TXNL4A: variants seen among roughly 807,000 people sequenced by gnomAD.
TXNL4A encodes the protein thioredoxin like 4A.
TXNL4A carries 17 observed loss-of-function variants against 14.6 expected under a neutral mutation model. The observed-to-expected ratio is 1.16, with a 90% CI of 0.80 to 1.74. TXNL4A has a LOEUF of 1.74. Ranked by LOEUF, TXNL4A falls within the 40% of genes most tolerant of loss-of-function variation. TXNL4A has a pLI of 0.00. For synonymous variants in TXNL4A, 83 were observed against 70.6 expected, an observed-to-expected ratio of 1.18 and a Z score of -0.88; for missense variants, 74 against 195.2, an observed-to-expected ratio of 0.38 and a Z score of 3.70.
chr18:80,023,027 T>C (rs1395006057), intron 1 of TXNL4A, among the ~76,000 whole-genome samples: 1 of 152,238 alleles, frequency 6.6e-6, no homozygotes, highest in East Asian at 1.9e-4. Context: ...GAGGGTGTTT[T>C]AATACCATAT....
rs1402186739 is a variant in TXNL4A, at chr18:79,971,181, A to G, written c.*2504T>C. 1 of 152,294 alleles carries G rather than the reference A, an allele frequency of 6.6e-6. No individual in the cohort carries two copies. The highest frequency in any genetic ancestry group is 1.5e-5 in the Non-Finnish European group (1 of 68,080). The allele number at this position is 152,294 out of a possible 1,614,324, so 9.4% of individuals were successfully genotyped here. On this transcript the variant is annotated 3_prime_UTR_variant, in exon 3 of 3. Transcript: ENST00000269601. ...TTATGACTGAATAATATTCCGTTCT[A>G]TGGATGGACATTTTGTTTAACCGTT...
intron 1 of TXNL4A, among the ~76,000 whole-genome samples, chr18:80,009,895 G>A (rs1370126014): frequency 2.6e-5 from 4 of 152,148 alleles, no homozygotes; most frequent in African/African-American, 7.2e-5. Flanking sequence ...TATCAGTTGA[G>A]TGTTCCTAGA....
chr18:80,027,437 T>C (rs1294158125), intron 1 of TXNL4A, among the ~76,000 whole-genome samples: 1 of 152,130 alleles, frequency 6.6e-6, no homozygotes, highest in Non-Finnish European at 1.5e-5. Context: ...TCCTATCAGC[T>C]ACACCCACTA....
intron 1 of TXNL4A, among the ~76,000 whole-genome samples, chr18:80,024,826 G>A (rs1424003328): frequency 6.6e-6 from 1 of 152,174 alleles, no homozygotes; most frequent in Non-Finnish European, 1.5e-5. Context: ...ACCGGTTCAG[G>A]AGGTAACGGC....
chr18:80,030,237 A>G (rs1320075509), intron 1 of TXNL4A, among the ~76,000 whole-genome samples: 1 of 152,220 alleles, frequency 6.6e-6, no homozygotes. Context: ...CCAGGCCTGT[A>G]CACAAAGAAA....
intron 1 of TXNL4A, among the ~76,000 whole-genome samples, chr18:80,031,626 C>T (rs1296673202): frequency 1.3e-5 from 2 of 152,200 alleles, no homozygotes; most frequent in Non-Finnish European, 2.9e-5. Context: ...CCAAAAGGCC[C>T]TGAATGATGG....
At chr18:80,029,356 T>C (rs9967507) in intron 1 of TXNL4A, among the ~76,000 whole-genome samples, 45,221 of 152,080 alleles carry the variant, frequency 0.3, 7,042 homozygotes, top group Non-Finnish European at 0.35. Flanking sequence ...GCTGGACCTT[T>C]TGAGGTATGG....
At chr18:80,012,501 TAGAG>T (rs1333232155) in intron 1 of TXNL4A, among the ~76,000 whole-genome samples, 1 of 152,106 alleles carries the variant, frequency 6.6e-6, no homozygotes, top group Non-Finnish European at 1.5e-5. Context: ...CCAGGAGCCA[TAGAG>T]AAAGTAAAGC....
chr18:79,988,275 T>C lies in TXNL4A; in HGVS notation c.118A>G (p.Lys40Glu). Residue 40 changes from lysine to glutamate, a missense_variant, in exon 1 of 3, where the codon AAG becomes GAG. Lys to Glu is a moderately conservative substitution (Grantham distance 56, BLOSUM62 1). Coordinates refer to ENST00000269601, the MANE Select transcript of TXNL4A (RefSeq NM_006701.5). ...FGHDWDPTCMKMDEVLYSIAE... is the reference protein window; with the variant it reads ...FGHDWDPTCMEMDEVLYSIAE... ...ATGCTGTACAGGACCTCGTCCATCT[T>C]CATGCACGTAGGATCCCAGTCGTGG... 6.2e-7 allele frequency: 1 copy of C among 1,602,760 alleles called. No individual in the cohort carries two copies. The highest frequency in any genetic ancestry group is 8.5e-7 in the Non-Finnish European group (1 of 1,172,080).
In TXNL4A at chr18:80,016,876, G is replaced by A. The variant is rs532816951; in HGVS notation, c.-61+16975C>T. On this transcript the variant is annotated intron_variant, in intron 1 of 2. Coordinates refer to the TXNL4A transcript ENST00000585474. ...TTTTTGGTTCCATATGAACTTTAAA[G>A]TAGTTTTTTCCAATTCTGTGAAGAA... 1.4e-3 allele frequency among the ~76,000 whole-genome samples: 205 copies of A among 151,786 alleles called. 2 individuals are homozygous for A. In the South Asian group the frequency reaches 0.034, roughly 25 times the overall value.
intron 2 of TXNL4A, among the ~76,000 whole-genome samples, chr18:79,976,507 G>A (rs2051381592): frequency 6.6e-6 from 1 of 152,114 alleles, no homozygotes; most frequent in African/African-American, 2.4e-5. Flanking sequence ...ACCCAAACAA[G>A]CCCCTCAAAC....
chr18:79,986,643 T>TGAGCTGTGCTCG (rs2051553148), intron 1 of TXNL4A: 1 of 985,368 alleles, frequency 1.0e-6, no homozygotes, highest in Non-Finnish European at 1.2e-6. Flanking sequence ...AGCATCTTGC[T>TGAGCTGTGCTCG]GAGCTGTGCT....
chr18:79,995,314 A>G (rs1039120348), intron 1 of TXNL4A: 23 of 152,282 alleles, frequency 1.5e-4, no homozygotes, highest in African/African-American at 5.3e-4. Context: ...GGAAGGCCAA[A>G]TCAGCCAGCC....
intron 1 of TXNL4A, among the ~76,000 whole-genome samples, chr18:79,978,365 C>A (rs757324278): frequency 6.6e-6 from 1 of 152,160 alleles, no homozygotes; most frequent in East Asian, 1.9e-4. Flanking sequence ...AATAGTACCT[C>A]CAATAATACT....
At chr18:79,987,412 T>C (rs1466183382) in intron 1 of TXNL4A, among the ~76,000 whole-genome samples, 1 of 152,232 alleles carries the variant, frequency 6.6e-6, no homozygotes, top group Non-Finnish European at 1.5e-5. Context: ...AAAAGATAGC[T>C]TCAATGTTAC....
At chr18:79,985,074 C>T (rs1198641279) in intron 1 of TXNL4A, among the ~76,000 whole-genome samples, 1 of 151,838 alleles carries the variant, frequency 6.6e-6, no homozygotes, top group African/African-American at 2.4e-5. Context: ...GGTGTTCCTA[C>T]AAAATGGAAA....
chr18:79,981,544 C>T (rs376427517), intron 1 of TXNL4A, among the ~76,000 whole-genome samples: 3 of 152,206 alleles, frequency 2.0e-5, no homozygotes, highest in Non-Finnish European at 4.4e-5. Flanking sequence ...TGGCGGTGCA[C>T]GCCTGTAATC....
At chr18:79,980,617 G>A (rs1054896229) in intron 1 of TXNL4A, among the ~76,000 whole-genome samples, 9 of 152,100 alleles carry the variant, frequency 5.9e-5, no homozygotes, top group African/African-American at 1.9e-4. Flanking sequence ...GGGAGAGGGG[G>A]AGGGGGAAAG....
chr18:79,977,612 G>C lies in TXNL4A; in HGVS notation c.243C>G (p.Val81=), dbSNP rs146668986. Residue 81 remains valine (V), a synonymous_variant, in exon 2 of 3, where the codon GTC becomes GTG. Transcript: ENST00000269601. ...KMYELYDPCT[V]MFFFRNKHIM... ...AGATAACGTACCTGAAGAAAAACAT[G>C]ACAGTACATGGATCGTATAACTCAT... The C allele has an allele frequency of 6.2e-7, 1 of 1,606,768 alleles. No individual in the cohort carries two copies. Among genetic ancestry groups the C allele is most frequent in the African/African-American group, 1.3e-5 (1 of 74,514 alleles).
Sources: allele counts gnomAD v4.1 joint callset (sites outside exome capture counted in the v4.1 genomes callset), GRCh38; gene constraint gnomAD v4.1.1; transcripts MANE v1.5; gene names NCBI Gene and HGNC (gene_info 2026-07-23, HGNC 2026-07-21).